LTBP4: variants seen among roughly 807,000 people sequenced by gnomAD.
The protein encoded by LTBP4 is latent-transforming growth factor beta-binding protein 4.
A neutral mutation model predicts 180.2 loss-of-function variants in LTBP4; 93 were observed. The ratio of observed to expected loss-of-function variants is 0.52; its 90% CI spans 0.44 to 0.61. The LOEUF is 0.61. Ranked by LOEUF, LTBP4 falls within the 20% of genes least tolerant of loss-of-function variation. LTBP4 has a pLI of 0.00. For missense variants in LTBP4, 2,116 were observed against 2,256.5 expected (o/e 0.94, Z 1.26); for synonymous variants, 947 against 934.5 (o/e 1.01, Z -0.24).
At position 40,608,534 on chromosome 19, in the gene LTBP4, C is replaced by T; in HGVS notation, c.1357C>T (p.Pro453Ser). Residue 453 changes from proline (P) to serine (S), a missense_variant, in exon 9 of 30, where the codon CCC becomes TCC. Coordinates refer to ENST00000396819, the MANE Select transcript of LTBP4 (RefSeq NM_001042545.2). ...GCCCCGGCCTGAACCCCGGCCCGAT[C>T]CCCGGCCCGGCCCTGAGCTTCCCTT... ...LEPRPEPRPD[P>S]RPGPELPLPS... 6.2e-7 allele frequency: 1 copy of T among 1,606,644 alleles called. No individual in the cohort carries two copies. The highest frequency in any genetic ancestry group is 8.5e-7 in the Non-Finnish European group (1 of 1,176,934).
At chr19:40,614,243 C>G in intron 18 of LTBP4, 72 bp from the exon 19 acceptor site, 2 of 1,554,502 alleles carry the variant, frequency 1.3e-6, no homozygotes, top group Non-Finnish European at 1.7e-6. Context: ...TTCTGACTCT[C>G]CTCTCCCCTC....
Position 40,609,534 on chromosome 19 carries a change from C to T in LTBP4, c.1431C>T (p.Pro477=). ...CTGGCTGACTGGACCCCCCAGGTCC[C>T]TCCTCCGGCATGTGTCAGCGCAACC... ...WTGPEIPESG[P]SSGMCQRNPQ... is the part of the protein sequence containing the mutation. Residue 477 remains proline, a synonymous_variant, in exon 10 of 30, where the codon CCC becomes CCT. Transcript: ENST00000396819. This position sits in a 1 kb window ranked among gnomAD's most constrained non-coding sequence, Gnocchi z 4.9. 2.5e-6 allele frequency: 4 copies of T among 1,612,946 alleles called. No homozygotes were observed. The highest frequency in any genetic ancestry group is 3.4e-6 in the Non-Finnish European group (4 of 1,179,580).
intron 22 of LTBP4, among the ~76,000 whole-genome samples, chr19:40,621,503 A>G (rs2081585991): frequency 6.6e-6 from 1 of 152,174 alleles, no homozygotes; most frequent in African/African-American, 2.4e-5. Context: ...TCTAAGCAGG[A>G]AAGATAGAAT....
rs1355742321 is a variant in LTBP4 at position 40,617,025 on chromosome 19, G to C, written c.2944+5G>C. 2 of 1,613,012 alleles carry C rather than the reference G, an allele frequency of 1.2e-6. No individual in the cohort carries two copies. The highest frequency in any genetic ancestry group is 3.3e-5 in the Admixed American group (2 of 60,016). ...CGCCAGGGGGCGGATGCCAGGGTGG[G>C]TGTCCATCAGGCATCGGGTGAGATG... On this transcript the variant is annotated splice_donor_5th_base_variant and intron_variant, in intron 20 of 29. Transcript: ENST00000396819.
chr19:40,603,859 G>A (rs2081440093), intron 1 of LTBP4, among the ~76,000 whole-genome samples: 1 of 152,232 alleles, frequency 6.6e-6, no homozygotes. Flanking sequence ...CCAAGGGTCC[G>A]GAATGTGGAG....
In LTBP4 at chr19:40,605,643, C is replaced by A; in HGVS notation, c.681C>A (p.Arg227=). 1 of 1,573,786 alleles carries A rather than the reference C, an allele frequency of 6.4e-7. No homozygotes were observed. The highest frequency in any genetic ancestry group is 8.6e-7 in the Non-Finnish European group (1 of 1,160,410). ...TCGGTTACTGCTTTCGGGAGCTGCG[C>A]GGAGGCGAAGTGAGAGGAGGCCCGT... ...SGFGYCFREL[R]GGECASPLPG... Residue 227 remains arginine, a synonymous_variant, in exon 3 of 30, where the codon CGC becomes CGA. Coordinates refer to ENST00000396819, the MANE Select transcript of LTBP4 (RefSeq NM_001042545.2). This position sits in a 1 kb window ranked among gnomAD's most constrained non-coding sequence, Gnocchi z 5.5.
At position 40,603,060 on chromosome 19, in the gene LTBP4, C is replaced by T. The variant is rs117410609; in HGVS notation, c.250+1423C>T. 7.2e-5 allele frequency among the ~76,000 whole-genome samples: 11 copies of T among 152,260 alleles called. No individual in the cohort carries two copies. The East Asian group carries it at 1.7e-3, about 24-fold the overall frequency. ...GAGTTTTTGCTCCAGGCCCTAGACC[C>T]GCTCTCCAACCATGGCAACAGACTT... is the stretch of plus-strand genomic sequence containing the variant. On this transcript the variant is annotated intron_variant, in intron 1 of 29. Coordinates refer to ENST00000396819, the MANE Select transcript of LTBP4 (RefSeq NM_001042545.2).
intron 27 of LTBP4, among the ~76,000 whole-genome samples, chr19:40,626,240 A>G (rs1463965747): frequency 6.6e-6 from 1 of 152,114 alleles, no homozygotes; most frequent in African/African-American, 2.4e-5. Flanking sequence ...CCATAGTACC[A>G]GACCCACAGG....
At position 40,629,425 on chromosome 19, in the gene LTBP4, G is replaced by T. The variant is rs944831966; in HGVS notation, c.4549G>T (p.Ala1517Ser). 5 of 1,612,632 alleles carry T rather than the reference G, an allele frequency of 3.1e-6. No homozygotes were observed. In the African/African-American group the frequency reaches 6.7e-5, roughly 22 times the overall value. The change falls in exon 30 of 30, where the codon GCC (alanine) becomes TCC (serine). Residue 1517 changes from alanine to serine, a missense_variant. Around this residue, in one of 5 missense-constraint regions of LTBP4, gnomAD observed 488 missense variants for 458.8 expected, o/e 1.06. Coordinates refer to ENST00000396819, the MANE Select transcript of LTBP4 (RefSeq NM_001042545.2). This position sits in a 1 kb window ranked among gnomAD's most constrained non-coding sequence, Gnocchi z 4.5. The part of the protein sequence containing the change: ...DINECDEAEA[A>S]SPLCVNARCL... ...CAACGAGTGTGATGAGGCCGAGGCT[G>T]CCTCCCCGCTGTGCGTCAACGCGCG...
intron 26 of LTBP4, 115 bp downstream of exon 26, chr19:40,624,197 G>A (rs1181788506): frequency 8.1e-7 from 1 of 1,241,038 alleles, no homozygotes; most frequent in Non-Finnish European, 1.1e-6. Flanking sequence ...CATGCTCCTG[G>A]CTCGACCACG....
intron 6 of LTBP4, 80 bp downstream of exon 6, chr19:40,606,606 T>G: frequency 2.0e-6 from 3 of 1,497,766 alleles, no homozygotes; most frequent in African/African-American, 1.4e-5. Context: ...GGGCCTTTAA[T>G]TCCCTCGGAC....
At position 40,627,364 on chromosome 19, in the gene LTBP4, T is replaced by A. The variant is rs1459963552; in HGVS notation, c.4366+9T>A. ...AGGTGGAAGCTATGCTGGTGAGCAC[T>A]GCCAGCGCATGATGAGACTGAGATG... On this transcript the variant is annotated intron_variant, in intron 28 of 29. Transcript: ENST00000396819. 1 of 1,487,448 alleles carries A rather than the reference T, an allele frequency of 6.7e-7. No individual in the cohort carries two copies. The highest frequency in any genetic ancestry group is 2.4e-5 in the East Asian group (1 of 41,850). 92.1% of individuals were successfully genotyped at this position (1,487,448 alleles called of 1,614,324 possible).
In LTBP4 at chr19:40,617,040, C is replaced by T. The variant is rs755465592; in HGVS notation, c.2944+20C>T. 1.4e-5 allele frequency: 22 copies of T among 1,612,690 alleles called. No homozygotes were observed. Among genetic ancestry groups the T allele is most frequent in the African/African-American group, 5.3e-5 (4 of 74,902 alleles). On this transcript the variant is annotated intron_variant, in intron 20 of 29. Coordinates refer to ENST00000396819, the MANE Select transcript of LTBP4 (RefSeq NM_001042545.2). Reference sequence around the variant, plus strand: ...GCCAGGGTGGGTGTCCATCAGGCATCGGGTGAGATGTGGAGATGGTAGAAG... The same window carrying T: ...GCCAGGGTGGGTGTCCATCAGGCATTGGGTGAGATGTGGAGATGGTAGAAG...
chr19:40,594,156 A>G (rs1764265544), intron 1 of LTBP4, among the ~76,000 whole-genome samples: 1 of 151,514 alleles, frequency 6.6e-6, no homozygotes, highest in Non-Finnish European at 1.5e-5. Flanking sequence ...TTGGGATGTT[A>G]GCAAATCTAG....
At chr19:40,623,136 G>C (rs538821562) in intron 24 of LTBP4, 115 bp downstream of exon 24, 1 of 666,678 alleles carries the variant, frequency 1.5e-6, no homozygotes, top group Non-Finnish European at 2.4e-6. Context: ...CTGTCTCCCC[G>C]ACCCCACCCA....
At position 40,611,815 on chromosome 19, in the gene LTBP4, G is replaced by C; in HGVS notation, c.2054-44G>C. On this transcript the variant is annotated intron_variant, in intron 13 of 29. Coordinates refer to ENST00000396819, the MANE Select transcript of LTBP4 (RefSeq NM_001042545.2). The surrounding 1 kb of genome is among the most constrained non-coding windows in gnomAD (Gnocchi z 4.4). ...GTGGGTGGTGATGGCCATGGGAATG[G>C]ATTCAGGCCCCTTCCTCAGCCTCAT... 6.3e-7 allele frequency: 1 copy of C among 1,578,606 alleles called. No individual in the cohort carries two copies. Among genetic ancestry groups the C allele is most frequent in the East Asian group, 2.3e-5 (1 of 43,372 alleles).
Position 40,622,861 on chromosome 19 carries a change from A to C in LTBP4, c.3485-89A>C. ...GGTGGGCACTAACAGGCACAGGGCC[A>C]GAGGGACTTTTGTGACAAGTGGGCA... On this transcript the variant is annotated intron_variant, in intron 23 of 29. Transcript: ENST00000396819. The surrounding 1 kb of genome is among the most constrained non-coding windows in gnomAD (Gnocchi z 5.1). 1 of 1,451,422 alleles carries C rather than the reference A, an allele frequency of 6.9e-7. No homozygotes were observed. Among genetic ancestry groups the C allele is most frequent in the Non-Finnish European group, 9.4e-7 (1 of 1,059,642 alleles). The allele number at this position is 1,451,422 out of a possible 1,614,324, so 89.9% of individuals were successfully genotyped here.
At chr19:40,603,168 G>A (rs2081436018) in intron 1 of LTBP4, among the ~76,000 whole-genome samples, 1 of 152,182 alleles carries the variant, frequency 6.6e-6, no homozygotes, top group Admixed American at 6.5e-5. Flanking sequence ...TAACTCTGTA[G>A]TATTGTCCAG....
intron 1 of LTBP4, among the ~76,000 whole-genome samples, chr19:40,602,356 A>G (rs899767644): frequency 3.4e-5 from 5 of 146,142 alleles, no homozygotes; most frequent in Admixed American, 6.8e-5. Context: ...GGTTCAGGTG[A>G]GGTGGGGGAG....
Sources: gnomAD v4.1 joint callset for allele counts (sites outside exome capture counted in the v4.1 genomes callset) on GRCh38, gnomAD v4.1.1 for gene constraint, gnomAD v4.1.1 regional missense constraint, Gnocchi (gnomAD v3.1) non-coding constraint, MANE v1.5 for transcripts, NCBI Gene and HGNC (gene_info 2026-07-23, HGNC 2026-07-21) for gene names.